The following GSAP variants were observed in gnomAD, a reference collection of about 807,000 sequenced individuals.
GSAP encodes the protein gamma-secretase-activating protein.
A neutral mutation model predicts 131.7 loss-of-function variants in GSAP; 118 were observed. The ratio of observed to expected loss-of-function variants is 0.90; its 90% CI spans 0.77 to 1.04. The LOEUF (loss-of-function observed/expected upper bound fraction) is 1.04. Ranked by LOEUF, GSAP falls within the 50% of genes least tolerant of loss-of-function variation. The pLI is 0.00. For synonymous variants in GSAP, 381 were observed against 363.4 expected (o/e 1.05, Z -0.55); for missense variants, 1,019 against 1,013.2 (o/e 1.01, Z -0.08).
chr7:77,324,346 C>T (rs1482930359), intron 23 of GSAP, among the ~76,000 whole-genome samples: 1 of 152,158 alleles, frequency 6.6e-6, no homozygotes, highest in African/African-American at 2.4e-5. Flanking sequence ...CCCCACTTCC[C>T]CAACCATTAG....
At chr7:77,408,689 C>CAAAAAAAAAAA (rs749202124) in intron 1 of GSAP, among the ~76,000 whole-genome samples, 2 of 67,022 alleles carry the variant, frequency 3.0e-5, no homozygotes, top group African/African-American at 5.8e-5. Flanking sequence ...ACTCTGCCTC[C>CAAAAAAAAAAA]AAAAAAAAAA....
intron 1 of GSAP, chr7:77,415,675 C>A (rs144952361): frequency 6.6e-6 from 1 of 152,324 alleles, no homozygotes; most frequent in South Asian, 2.1e-4. Context: ...GCCCATGTCC[C>A]CTGAGCCACG....
chr7:77,407,456 C>G (rs1233309116), intron 1 of GSAP, among the ~76,000 whole-genome samples: 2 of 152,154 alleles, frequency 1.3e-5, no homozygotes, highest in Admixed American at 1.3e-4. Flanking sequence ...AATGTAATTA[C>G]TAACATATTG....
chr7:77,347,631 T>A (rs1170763171), intron 19 of GSAP, among the ~76,000 whole-genome samples: 1 of 152,064 alleles, frequency 6.6e-6, no homozygotes, highest in African/African-American at 2.4e-5. Context: ...TCCTATGGAG[T>A]CATTAGAAAT....
chr7:77,403,255 G>C (rs1801677976), intron 3 of GSAP, among the ~76,000 whole-genome samples: 1 of 152,152 alleles, frequency 6.6e-6, no homozygotes, highest in Non-Finnish European at 1.5e-5. Flanking sequence ...GATCATCACT[G>C]TGTCTCCAGC....
chr7:77,402,616 A>AAAAAAAG (rs375595494), intron 3 of GSAP, among the ~76,000 whole-genome samples: 1 of 80,422 alleles, frequency 1.2e-5, no homozygotes, highest in Non-Finnish European at 2.7e-5. Context: ...AAAAAAAAAA[A>AAAAAAAG]GAATTTTAAA....
chr7:77,404,941 G>A (rs150074701), intron 2 of GSAP, among the ~76,000 whole-genome samples: 5 of 152,266 alleles, frequency 3.3e-5, no homozygotes, highest in African/African-American at 7.2e-5. Flanking sequence ...GGACAAGTCC[G>A]TAACATTCTT....
chr7:77,339,692 G>T (rs1411009759), intron 19 of GSAP, among the ~76,000 whole-genome samples: 1 of 149,510 alleles, frequency 6.7e-6, no homozygotes, highest in Non-Finnish European at 1.5e-5. Flanking sequence ...AACACATGGA[G>T]GACATAAAAT....
At chr7:77,330,771 GT>G (rs1343152478) in intron 19 of GSAP, 1 of 985,462 alleles carries the variant, frequency 1.0e-6, no homozygotes, top group Non-Finnish European at 1.2e-6. Flanking sequence ...CTAAGAGAAA[GT>G]TCATTAACAT....
intron 3 of GSAP, among the ~76,000 whole-genome samples, chr7:77,403,568 G>T (rs1390008500): frequency 6.9e-6 from 1 of 145,264 alleles, no homozygotes; most frequent in Non-Finnish European, 1.5e-5. Context: ...AGTAATTTGG[G>T]GAAAAAAATA....
At chr7:77,373,735 C>T (rs1275548589) in intron 12 of GSAP, among the ~76,000 whole-genome samples, 1 of 152,202 alleles carries the variant, frequency 6.6e-6, no homozygotes, top group Non-Finnish European at 1.5e-5. Flanking sequence ...AAGCCTGACA[C>T]AGAAAGCACA....
intron 12 of GSAP, among the ~76,000 whole-genome samples, chr7:77,368,571 T>C (rs1283037842): frequency 4.6e-5 from 7 of 152,228 alleles, no homozygotes; most frequent in African/African-American, 1.7e-4. Flanking sequence ...GGCATTTGTA[T>C]TTTTTAAAGC....
intron 20 of GSAP, 78 bp from the exon 21 acceptor site, chr7:77,329,469 T>C: frequency 2.9e-6 from 2 of 683,802 alleles, no homozygotes; most frequent in Non-Finnish European, 5.0e-6. Context: ...TATAATGCAA[T>C]ACAGTTAAGA....
chr7:77,345,197 T>G (rs1791607374), intron 19 of GSAP, among the ~76,000 whole-genome samples: 1 of 152,132 alleles, frequency 6.6e-6, no homozygotes, highest in Admixed American at 6.6e-5. Flanking sequence ...CAAAACCACA[T>G]CCAGGCCATC....
rs1426757079 is a variant in GSAP at position 77,311,865 on chromosome 7, T to G, written c.2449A>C (p.Thr817Pro). 5 of 1,568,734 alleles carry G rather than the reference T, an allele frequency of 3.2e-6. No individual in the cohort carries two copies. The highest frequency in any genetic ancestry group is 4.4e-6 in the Non-Finnish European group (5 of 1,138,736). The part of the protein sequence containing the change: ...LPLNYFIEIL[T>P]DIESSNQALY... ...CCTTGATTGGAGGACTCTATATCTG[T>G]CAGAATTTCAATGAAGTAGTTCAGA... The change falls in exon 30 of 31, where the codon ACA (threonine) becomes CCA (proline). Residue 817 changes from threonine to proline, a missense_variant. Thr to Pro is a conservative substitution (Grantham distance 38, BLOSUM62 -1). Coordinates refer to ENST00000257626, the MANE Select transcript of GSAP (RefSeq NM_017439.4).
intron 6 of GSAP, among the ~76,000 whole-genome samples, chr7:77,386,816 T>C (rs1271507147): frequency 2.0e-5 from 3 of 152,230 alleles, no homozygotes; most frequent in Admixed American, 6.5e-5. Flanking sequence ...AATGTGCATG[T>C]TGGGTGACAA....
At chr7:77,324,320 G>A (rs1371165013) in intron 23 of GSAP, among the ~76,000 whole-genome samples, 1 of 152,126 alleles carries the variant, frequency 6.6e-6, no homozygotes, top group East Asian at 1.9e-4. Flanking sequence ...CGCTTTGTTT[G>A]ATCATCCTTG....
At chr7:77,399,427 C>A (rs1453608314) in intron 3 of GSAP, among the ~76,000 whole-genome samples, 1 of 152,134 alleles carries the variant, frequency 6.6e-6, no homozygotes, top group Non-Finnish European at 1.5e-5. Flanking sequence ...CACTTATCAC[C>A]AAACCCAGTG....
intron 3 of GSAP, among the ~76,000 whole-genome samples, chr7:77,399,603 C>T (rs1406725046): frequency 6.6e-6 from 1 of 151,034 alleles, no homozygotes; most frequent in African/African-American, 2.4e-5. Context: ...TGGGACCGTG[C>T]TTATGCTTAT....
Sources: allele counts gnomAD v4.1 joint callset (sites outside exome capture counted in the v4.1 genomes callset), GRCh38; gene constraint gnomAD v4.1.1; transcripts MANE v1.5; gene names NCBI Gene and HGNC (gene_info 2026-07-23, HGNC 2026-07-21).